KIF6: variants seen among roughly 807,000 people sequenced by gnomAD.
KIF6 encodes kinesin-like protein KIF6.
A neutral mutation model predicts 112.7 loss-of-function variants in KIF6; 106 were observed. That is an observed-to-expected ratio of 0.94 (90% CI 0.80 to 1.11). The LOEUF (loss-of-function observed/expected upper bound fraction) is 1.11. Ranked by LOEUF, KIF6 falls within the 50% of genes least tolerant of loss-of-function variation. The pLI, the probability that KIF6 is intolerant of heterozygous loss-of-function variation, is 0.00. For missense variants in KIF6, 929 were observed against 964.0 expected (o/e 0.96, Z 0.48); for synonymous variants, 339 against 339.9 (o/e 1.00, Z 0.03).
chr6:39,447,957 G>A (rs1343043613), intron 13 of KIF6, among the ~76,000 whole-genome samples: 2 of 152,112 alleles, frequency 1.3e-5, no homozygotes, highest in Non-Finnish European at 2.9e-5. Context: ...GGAACTGCAC[G>A]TAACTGCTAC....
At chr6:39,558,719 G>T (rs896618671) in intron 10 of KIF6, among the ~76,000 whole-genome samples, 1 of 152,150 alleles carries the variant, frequency 6.6e-6, no homozygotes, top group African/African-American at 2.4e-5. Context: ...TTGGACTTCT[G>T]ATGAAAGAGC....
intron 9 of KIF6, among the ~76,000 whole-genome samples, chr6:39,582,889 T>C (rs1781372435): frequency 6.6e-6 from 1 of 152,240 alleles, no homozygotes; most frequent in Non-Finnish European, 1.5e-5. Context: ...ATACATAAAA[T>C]GACTGACAGT....
intron 2 of KIF6, among the ~76,000 whole-genome samples, chr6:39,719,844 A>G (rs1381462610): frequency 6.6e-6 from 1 of 152,164 alleles, no homozygotes; most frequent in Non-Finnish European, 1.5e-5. Flanking sequence ...TTAGTTGGGC[A>G]TGGTGGTGCA....
chr6:39,639,531 T>C (rs558626993), intron 4 of KIF6, 79 bp downstream of exon 4: 59 of 1,149,324 alleles, frequency 5.1e-5, no homozygotes, highest in Non-Finnish European at 6.9e-5. Context: ...AAAATACATG[T>C]CATAATAAAT....
At chr6:39,676,880 A>G (rs576088649) in intron 3 of KIF6, among the ~76,000 whole-genome samples, 2 of 152,260 alleles carry the variant, frequency 1.3e-5, no homozygotes, top group African/African-American at 2.4e-5. Context: ...AAAAGTAAAT[A>G]TGATAGAAAT....
At chr6:39,591,064 T>C (rs182437458) in intron 7 of KIF6, among the ~76,000 whole-genome samples, 1 of 152,202 alleles carries the variant, frequency 6.6e-6, no homozygotes, top group Non-Finnish European at 1.5e-5. Flanking sequence ...TCTTTTTCCC[T>C]AATCATTAAA....
At chr6:39,663,902 T>C (rs1477297535) in intron 3 of KIF6, among the ~76,000 whole-genome samples, 2 of 151,736 alleles carry the variant, frequency 1.3e-5, no homozygotes, top group Admixed American at 6.6e-5. Context: ...GAAAGAAATG[T>C]AAAGCAATTT....
chr6:39,418,920 G>A (rs1163756049), intron 15 of KIF6, among the ~76,000 whole-genome samples: 1 of 152,226 alleles, frequency 6.6e-6, no homozygotes, highest in African/African-American at 2.4e-5. Context: ...CGGGCCAGCT[G>A]TGAGCCAGTA....
At chr6:39,548,640 G>A (rs1225763873) in intron 10 of KIF6, among the ~76,000 whole-genome samples, 1 of 152,098 alleles carries the variant, frequency 6.6e-6, no homozygotes, top group African/African-American at 2.4e-5. Context: ...AGATGTTTTC[G>A]TTGTACTCCT....
At chr6:39,370,650 ATGTT>A (rs1377896432) in intron 16 of KIF6, among the ~76,000 whole-genome samples, 1 of 152,172 alleles carries the variant, frequency 6.6e-6, no homozygotes, top group Non-Finnish European at 1.5e-5. Context: ...GCCAAAATAA[ATGTT>A]TGACAAGAAT....
chr6:39,654,370 G>A (rs112056439), intron 3 of KIF6, among the ~76,000 whole-genome samples: 10,535 of 152,008 alleles, frequency 0.069, 416 homozygotes, highest in Middle Eastern at 0.11. Context: ...GAGATTGGCC[G>A]TCCTCCTATC....
chr6:39,518,576 C>T (rs561059048), intron 13 of KIF6, among the ~76,000 whole-genome samples: 27 of 152,094 alleles, frequency 1.8e-4, no homozygotes, highest in African/African-American at 2.2e-4. Context: ...AAAAAGAATA[C>T]GCTGGGTGTT....
At chr6:39,414,869 A>C (rs1769787973) in intron 15 of KIF6, among the ~76,000 whole-genome samples, 1 of 152,116 alleles carries the variant, frequency 6.6e-6, no homozygotes, top group South Asian at 2.1e-4. Flanking sequence ...CCACTTACAA[A>C]GGCCATTTCA....
intron 13 of KIF6, among the ~76,000 whole-genome samples, chr6:39,511,585 T>C (rs917728819): frequency 1.3e-5 from 2 of 152,200 alleles, no homozygotes; most frequent in Admixed American, 6.5e-5. Flanking sequence ...AGCAATCCCA[T>C]TACTGGGTAT....
At chr6:39,619,367 A>C (rs1156447923) in intron 5 of KIF6, among the ~76,000 whole-genome samples, 1 of 152,216 alleles carries the variant, frequency 6.6e-6, no homozygotes, top group African/African-American at 2.4e-5. Flanking sequence ...CAAAGATCTT[A>C]ACCAACCTCC....
intron 3 of KIF6, among the ~76,000 whole-genome samples, chr6:39,666,685 A>G (rs1296219620): frequency 6.6e-6 from 1 of 152,170 alleles, no homozygotes; most frequent in Non-Finnish European, 1.5e-5. Context: ...TCTCTGACAA[A>G]GGATGTTTTT....
At chr6:39,620,832 G>A (rs1480210490) in intron 5 of KIF6, among the ~76,000 whole-genome samples, 1 of 151,916 alleles carries the variant, frequency 6.6e-6, no homozygotes, top group Admixed American at 6.6e-5. Flanking sequence ...GCAGTGGCAC[G>A]ATCTTGGCTC....
chr6:39,595,282 A>T (rs1277764545), intron 7 of KIF6, among the ~76,000 whole-genome samples: 1 of 152,228 alleles, frequency 6.6e-6, no homozygotes, highest in Non-Finnish European at 1.5e-5. Flanking sequence ...TAAATTTTAC[A>T]ATAAAGCAGT....
chr6:39,606,046 CTCTT>C (rs1238234148), intron 6 of KIF6, among the ~76,000 whole-genome samples: 1 of 151,982 alleles, frequency 6.6e-6, no homozygotes, highest in African/African-American at 2.4e-5. Context: ...TCCTTTGTCT[CTCTT>C]TCTAGATACA....
Sources: allele counts gnomAD v4.1 joint callset (sites outside exome capture counted in the v4.1 genomes callset), GRCh38; gene constraint gnomAD v4.1.1; transcripts MANE v1.5; gene names NCBI Gene and HGNC (gene_info 2026-07-23, HGNC 2026-07-21).